ITPR2: variants seen among roughly 807,000 people sequenced by gnomAD.
The protein encoded by ITPR2 is inositol 1,4,5-trisphosphate-gated calcium channel ITPR2.
In ITPR2, 207 loss-of-function variants were observed where a neutral mutation model predicts 317.1. The observed-to-expected ratio is 0.65, with a 90% CI of 0.58 to 0.73. The LOEUF (loss-of-function observed/expected upper bound fraction) is 0.73, where lower values mean the gene tolerates loss of function less well. Ranked by LOEUF, ITPR2 falls within the 30% of genes least tolerant of loss-of-function variation. The probability of loss-of-function intolerance (pLI) is 0.00; values close to 1 mark genes in which losing one functional copy is unlikely to be tolerated. For missense variants in ITPR2, 2,613 were observed against 3,284.0 expected (o/e 0.80, Z 4.99); for synonymous variants, 1,156 against 1,149.1 (o/e 1.01, Z -0.12).
chr12:26,682,085 C>T, intron 12 of ITPR2, 51 bp from the exon 13 acceptor site: 1 of 1,436,804 alleles, frequency 7.0e-7, no homozygotes, highest in Non-Finnish European at 9.7e-7. Flanking sequence ...ATACAATATT[C>T]TTTGAAGACT....
intron 10 of ITPR2, 27 bp downstream of exon 10, chr12:26,695,579 T>G (rs768680615): frequency 2.5e-5 from 40 of 1,582,932 alleles, no homozygotes; most frequent in Non-Finnish European, 3.0e-5. Context: ...TGCTGAGATT[T>G]GTTGGAGAAA....
rs1306017607 is a variant in ITPR2, at chr12:26,475,158, T to C, written c.6342+138A>G. 4 of 910,742 alleles carry C rather than the reference T, an allele frequency of 4.4e-6. No individual in the cohort carries two copies. The Admixed American group carries it at 1.0e-4, about 23-fold the overall frequency. 56.4% of individuals were successfully genotyped at this position (910,742 alleles called of 1,614,324 possible). A position where few individuals can be genotyped will look rare whatever the true frequency, so the allele number is the denominator to read the frequency against. ...CATAGTCAGGCATTCTGGGAGGCTG[T>C]TCCTCTCTTTAGCCCAAACCTAGGA... is the stretch of plus-strand genomic sequence containing the variant. On this transcript the variant is annotated intron_variant, in intron 45 of 56. Coordinates refer to ENST00000381340, the MANE Select transcript of ITPR2 (RefSeq NM_002223.4).
At chr12:26,409,358 A>T (rs1177888262) in intron 52 of ITPR2, among the ~76,000 whole-genome samples, 2 of 152,220 alleles carry the variant, frequency 1.3e-5, no homozygotes, top group Non-Finnish European at 2.9e-5. Context: ...AGATAGAGCA[A>T]CATGGGCGGA....
intron 36 of ITPR2, among the ~76,000 whole-genome samples, chr12:26,551,168 G>A (rs1424861622): frequency 2.0e-5 from 3 of 152,152 alleles, no homozygotes; most frequent in Non-Finnish European, 4.4e-5. Context: ...TTCCTTAAAT[G>A]ATCCAATTTC....
chr12:26,497,160 T>TTG (rs1186244220), intron 37 of ITPR2, among the ~76,000 whole-genome samples: 3 of 149,364 alleles, frequency 2.0e-5, no homozygotes, highest in Non-Finnish European at 4.5e-5. Context: ...TCTCTCTTTT[T>TTG]TTTTTTTTTT....
At chr12:26,634,979 T>A (rs1474365370) in intron 21 of ITPR2, among the ~76,000 whole-genome samples, 1 of 151,848 alleles carries the variant, frequency 6.6e-6, no homozygotes, top group Non-Finnish European at 1.5e-5. Context: ...TACATAGATA[T>A]TTTTAGTAAC....
At chr12:26,525,784 C>G (rs1565580765) in intron 37 of ITPR2, among the ~76,000 whole-genome samples, 1 of 152,216 alleles carries the variant, frequency 6.6e-6, no homozygotes, top group Non-Finnish European at 1.5e-5. Context: ...AATCTCTTCT[C>G]TCTACAACCT....
chr12:26,560,590 A>T (rs1437588960), intron 35 of ITPR2, among the ~76,000 whole-genome samples: 1 of 152,142 alleles, frequency 6.6e-6, no homozygotes, highest in Non-Finnish European at 1.5e-5. Flanking sequence ...CTTCATTATT[A>T]TCTGCAACAC....
At chr12:26,814,476 C>T (rs1592155106) in intron 1 of ITPR2, among the ~76,000 whole-genome samples, 1 of 152,210 alleles carries the variant, frequency 6.6e-6, no homozygotes, top group East Asian at 1.9e-4. Context: ...AATAGATACA[C>T]CAGTTCTTTA....
chr12:26,589,785 T>TA (rs1945636928), intron 32 of ITPR2, among the ~76,000 whole-genome samples: 1 of 53,834 alleles, frequency 1.9e-5, no homozygotes, highest in African/African-American at 5.3e-5. Flanking sequence ...AAACTCTGTT[T>TA]CAAAAAAAAA....
intron 5 of ITPR2, 148 bp downstream of exon 5, chr12:26,722,249 A>T (rs11836787): frequency 0.044 from 23,545 of 533,852 alleles, 2,325 homozygotes; most frequent in African/African-American, 0.29. Context: ...CTATAAATAA[A>T]CATGTTTAAC....
chr12:26,784,431 G>C (rs567007875), intron 2 of ITPR2, among the ~76,000 whole-genome samples: 8 of 149,360 alleles, frequency 5.4e-5, no homozygotes, highest in Non-Finnish European at 7.4e-5. Context: ...CTGCCATCTC[G>C]GCTCGCTGCA....
intron 43 of ITPR2, among the ~76,000 whole-genome samples, chr12:26,477,351 A>T (rs902557252): frequency 4.7e-5 from 7 of 148,332 alleles, no homozygotes; most frequent in Admixed American, 6.7e-5. Context: ...ATGTTTTAAT[A>T]AAAAAAAAGG....
At chr12:26,385,658 C>A (rs1323069390) in intron 55 of ITPR2, among the ~76,000 whole-genome samples, 1 of 152,178 alleles carries the variant, frequency 6.6e-6, no homozygotes, top group Non-Finnish European at 1.5e-5. Context: ...TATAAGTGGA[C>A]CATGTGCCAG....
At chr12:26,778,595 C>A (rs1950021419) in intron 2 of ITPR2, among the ~76,000 whole-genome samples, 2 of 152,246 alleles carry the variant, frequency 1.3e-5, no homozygotes, top group South Asian at 4.1e-4. Flanking sequence ...AATATACCTT[C>A]ACTGTCCTAC....
At chr12:26,599,052 C>G (rs1441258659) in intron 30 of ITPR2, 93 bp downstream of exon 30, 1 of 1,146,664 alleles carries the variant, frequency 8.7e-7, no homozygotes, top group Non-Finnish European at 1.3e-6. Context: ...TTTTCCAAAC[C>G]TATGTTGTTG....
intron 32 of ITPR2, among the ~76,000 whole-genome samples, chr12:26,591,920 A>G (rs1591938090): frequency 1.3e-5 from 2 of 152,286 alleles, no homozygotes; most frequent in South Asian, 2.1e-4. Flanking sequence ...AAGAAAGGAA[A>G]TTGTACATTG....
At chr12:26,468,433 G>A (rs930739853) in intron 45 of ITPR2, among the ~76,000 whole-genome samples, 10 of 152,090 alleles carry the variant, frequency 6.6e-5, no homozygotes, top group Admixed American at 2.6e-4. Context: ...AGCATTGTAG[G>A]AGTCTATTAA....
In ITPR2 at chr12:26,715,393, T is replaced by C; in HGVS notation, c.761A>G (p.Asp254Gly). 1.2e-6 allele frequency: 2 copies of C among 1,613,500 alleles called. No individual in the cohort carries two copies. Among genetic ancestry groups the C allele is most frequent in the Non-Finnish European group, 1.7e-6 (2 of 1,179,568 alleles). Residue 254 changes from aspartate to glycine, a missense_variant, in exon 8 of 57, where the codon GAT becomes GGT. Asp to Gly is a moderately conservative substitution (Grantham distance 94). Around this residue, in one of 9 missense-constraint regions of ITPR2, gnomAD observed 515 missense variants for 789.4 expected, o/e 0.65. Coordinates refer to ENST00000381340, the MANE Select transcript of ITPR2 (RefSeq NM_002223.4). Reference sequence around the variant, plus strand: ...AATGTGCTGTTTTTTCTCATATTCATCACAAGTCAAAAACTTCTCTTGTTC... The same window carrying C: ...AATGTGCTGTTTTTTCTCATATTCACCACAAGTCAAAAACTTCTCTTGTTC... Reference protein sequence around the residue: ...HAEQEKFLTCDEYEKKQHIFL... With the variant: ...HAEQEKFLTCGEYEKKQHIFL...
Sources: allele counts gnomAD v4.1 joint callset (sites outside exome capture counted in the v4.1 genomes callset), GRCh38; gene constraint gnomAD v4.1.1; regional missense constraint gnomAD v4.1.1; transcripts MANE v1.5; gene names NCBI Gene and HGNC (gene_info 2026-07-23, HGNC 2026-07-21).